MCC: variants seen among roughly 807,000 people sequenced by gnomAD.
The protein encoded by MCC is MCC regulator of Wnt signaling pathway.
In MCC, 90 loss-of-function variants were observed where a neutral mutation model predicts 116.2. That is an observed-to-expected ratio of 0.77 (90% CI 0.65 to 0.92). The LOEUF is 0.92. Among genes scored for constraint, MCC ranks in the 40% least tolerant of loss-of-function variants. The pLI is 0.00. For missense variants in MCC, 1,516 were observed against 1,312.2 expected (o/e 1.16, Z -2.40); for synonymous variants, 578 against 510.5 (o/e 1.13, Z -1.78).
intron 1 of MCC, among the ~76,000 whole-genome samples, chr5:113,427,765 C>G (rs1440648825): frequency 1.3e-5 from 2 of 152,174 alleles, no homozygotes; most frequent in Non-Finnish European, 2.9e-5. Flanking sequence ...CAGTAAAATT[C>G]TCTGCAGGAA....
chr5:113,335,052 C>G (rs1351640626), intron 3 of MCC, among the ~76,000 whole-genome samples: 5 of 151,684 alleles, frequency 3.3e-5, no homozygotes, highest in Admixed American at 2.0e-4. Flanking sequence ...TGACTCTGAA[C>G]AATGCCCAGA....
At chr5:113,406,529 T>C (rs1769838832) in intron 1 of MCC, among the ~76,000 whole-genome samples, 2 of 152,156 alleles carry the variant, frequency 1.3e-5, no homozygotes, top group African/African-American at 4.8e-5. Context: ...CCCTCTCCAC[T>C]GAACCAGCAA....
At chr5:113,403,635 A>C (rs1241275278) in intron 1 of MCC, among the ~76,000 whole-genome samples, 2 of 152,174 alleles carry the variant, frequency 1.3e-5, no homozygotes, top group Non-Finnish European at 2.9e-5. Context: ...TTCCAGCCGG[A>C]GTAATAACAA....
At chr5:113,264,578 C>T (rs1293196226) in intron 3 of MCC, among the ~76,000 whole-genome samples, 5 of 152,120 alleles carry the variant, frequency 3.3e-5, no homozygotes, top group Admixed American at 3.3e-4. Flanking sequence ...CCCTGTGATA[C>T]TCTAGGGGGC....
Position 113,366,514 on chromosome 5 carries a change from C to T in MCC, c.415+18454G>A, listed in dbSNP as rs569760431. ...ATATGGGTAGAATACTTCTGTTCAACCTAAGCCAGAATATATAGCCCTCTA... is the reference window on the plus strand; with the variant it reads ...ATATGGGTAGAATACTTCTGTTCAATCTAAGCCAGAATATATAGCCCTCTA... On this transcript the variant is annotated intron_variant, in intron 2 of 18. Coordinates refer to ENST00000408903, the MANE Select transcript of MCC (RefSeq NM_001085377.2). Among the ~76,000 whole-genome samples the T allele has an allele frequency of 1.5e-3, 225 of 152,210 alleles. 1 individual carries two copies. Among genetic ancestry groups the T allele is most frequent in the African/African-American group, 5.2e-3 (214 of 41,550 alleles).
chr5:113,428,904 A>T (rs1216192656), intron 1 of MCC: 7 of 152,184 alleles, frequency 4.6e-5, no homozygotes, highest in Non-Finnish European at 7.3e-5. Context: ...CCCTAGGTTC[A>T]CTTATTTTAA....
chr5:113,131,130 G>C (rs1758402969), intron 5 of MCC, among the ~76,000 whole-genome samples: 2 of 152,214 alleles, frequency 1.3e-5, no homozygotes, highest in Admixed American at 6.5e-5. Flanking sequence ...ATGAAGCAGA[G>C]AACATGAACA....
intron 5 of MCC, among the ~76,000 whole-genome samples, chr5:113,124,093 T>C (rs138188459): frequency 6.6e-6 from 1 of 152,308 alleles, no homozygotes; most frequent in Non-Finnish European, 1.5e-5. Context: ...CTTTATAAGG[T>C]ATTGTTAATA....
intron 1 of MCC, among the ~76,000 whole-genome samples, chr5:113,449,835 T>C (rs542133818): frequency 4.6e-5 from 7 of 152,314 alleles, no homozygotes; most frequent in African/African-American, 1.4e-4. Context: ...TCACAACAAA[T>C]AAATGACGAT....
At position 113,144,420 on chromosome 5, in the gene MCC, C is replaced by A. The variant is rs1024955284; in HGVS notation, c.742-1060G>T. On this transcript the variant is annotated intron_variant, in intron 4 of 18. Coordinates refer to ENST00000408903, the MANE Select transcript of MCC (RefSeq NM_001085377.2). ...CCTGTCAGCAGAGGAACTTTAATTTCATCTTCAACAAGGTTTTCTTAGTGC... is the reference window on the plus strand; with the variant it reads ...CCTGTCAGCAGAGGAACTTTAATTTAATCTTCAACAAGGTTTTCTTAGTGC... Among the ~76,000 whole-genome samples the A allele has an allele frequency of 3.3e-5, 5 of 152,318 alleles. No individual in the cohort carries two copies. In the East Asian group the frequency reaches 9.6e-4, roughly 29 times the overall value.
intron 17 of MCC, among the ~76,000 whole-genome samples, chr5:113,031,416 C>T (rs1323718292): frequency 1.3e-5 from 2 of 151,868 alleles, no homozygotes; most frequent in African/African-American, 2.4e-5. Flanking sequence ...CCCCACCCGC[C>T]CCCCAACACC....
At chr5:113,417,695 G>T (rs911569720) in intron 1 of MCC, among the ~76,000 whole-genome samples, 2 of 152,166 alleles carry the variant, frequency 1.3e-5, no homozygotes, top group Admixed American at 1.3e-4. Context: ...TTGGGAGGCC[G>T]AGGCAGGGGG....
chr5:113,471,314 C>T (rs879477259), intron 1 of MCC, among the ~76,000 whole-genome samples: 1 of 151,998 alleles, frequency 6.6e-6, no homozygotes, highest in Non-Finnish European at 1.5e-5. Context: ...TTTTATCTAC[C>T]TTTGGTCTTT....
At chr5:113,285,768 C>T (rs907191390) in intron 3 of MCC, among the ~76,000 whole-genome samples, 1 of 152,160 alleles carries the variant, frequency 6.6e-6, no homozygotes, top group African/African-American at 2.4e-5. Flanking sequence ...TGTGTACTGT[C>T]TATGTATCTG....
intron 1 of MCC, among the ~76,000 whole-genome samples, chr5:113,483,802 C>T (rs900403182): frequency 2.6e-5 from 4 of 151,976 alleles, no homozygotes; most frequent in African/African-American, 7.3e-5. Context: ...TAAATGCCCA[C>T]TGATGATAGA....
rs552440484 is a variant in MCC at position 113,278,387 on chromosome 5, T to C, written c.627+62132A>G. On this transcript the variant is annotated intron_variant, in intron 3 of 18. Transcript: ENST00000408903. ...TGCAGGTACTAGGGTCAATGGTGAA[T>C]AACAGCCATTGTGGTACGAAATACC... 3.3e-5 allele frequency among the ~76,000 whole-genome samples: 5 copies of C among 152,264 alleles called. No individual in the cohort carries two copies. The East Asian group carries it at 7.7e-4, about 24-fold the overall frequency.
At chr5:113,132,401 T>TACATATATATATACAC (rs1758492445) in intron 5 of MCC, among the ~76,000 whole-genome samples, 2 of 57,736 alleles carry the variant, frequency 3.5e-5, no homozygotes, top group African/African-American at 8.9e-5. Flanking sequence ...TATATATACA[T>TACATATATATATACAC]ACATACATAT....
At chr5:113,202,787 TAAA>T (rs11387012) in intron 3 of MCC, among the ~76,000 whole-genome samples, 1 of 139,876 alleles carries the variant, frequency 7.1e-6, no homozygotes, top group African/African-American at 2.7e-5. Context: ...GCCCTTTATT[TAAA>T]AAAAAAAAAA....
intron 1 of MCC, among the ~76,000 whole-genome samples, chr5:113,473,085 C>T (rs1427440234): frequency 6.6e-6 from 1 of 152,072 alleles, no homozygotes; most frequent in African/African-American, 2.4e-5. Flanking sequence ...GGGTAAGTTC[C>T]TTTATTTTTA....
Sources: allele counts gnomAD v4.1 joint callset (sites outside exome capture counted in the v4.1 genomes callset), GRCh38; gene constraint gnomAD v4.1.1; transcripts MANE v1.5; gene names NCBI Gene and HGNC (gene_info 2026-07-23, HGNC 2026-07-21).